NYAP2: variants seen among roughly 807,000 people sequenced by gnomAD.
The protein encoded by NYAP2 is neuronal tyrosine-phosphorylated phosphoinositide-3-kinase adapter 2.
NYAP2 carries 23 observed loss-of-function variants against 50.4 expected under a neutral mutation model. That is an observed-to-expected ratio of 0.46 (90% CI 0.33 to 0.65). The LOEUF (loss-of-function observed/expected upper bound fraction) is 0.65, where lower values mean the gene tolerates loss of function less well. Ranked by LOEUF, NYAP2 falls within the 30% of genes least tolerant of loss-of-function variation. The pLI, the probability that NYAP2 is intolerant of heterozygous loss-of-function variation, is 0.02. For synonymous variants in NYAP2, 394 were observed against 365.2 expected (o/e 1.08, Z -0.90); for missense variants, 885 against 861.0 (o/e 1.03, Z -0.35).
At chr2:225,591,742 A>T (rs1235843422) in intron 5 of NYAP2, among the ~76,000 whole-genome samples, 1 of 152,168 alleles carries the variant, frequency 6.6e-6, no homozygotes. Context: ...CGATTTAATG[A>T]TACCTTATCT....
chr2:225,416,087 C>G (rs1362223660), intron 3 of NYAP2, among the ~76,000 whole-genome samples: 1 of 152,156 alleles, frequency 6.6e-6, no homozygotes, highest in Non-Finnish European at 1.5e-5. Flanking sequence ...ATCTTAATAA[C>G]CCTCTCTAAT....
chr2:225,569,831 A>G (rs1692035255), intron 4 of NYAP2, among the ~76,000 whole-genome samples: 2 of 152,190 alleles, frequency 1.3e-5, no homozygotes, highest in South Asian at 2.1e-4. Context: ...GTTCACATCT[A>G]TTAGGTTATG....
chr2:225,619,575 C>A (rs1693053915), intron 5 of NYAP2, among the ~76,000 whole-genome samples: 1 of 152,138 alleles, frequency 6.6e-6, no homozygotes, highest in Non-Finnish European at 1.5e-5. Context: ...AGCCATTAGA[C>A]CCAGGAAACC....
intron 5 of NYAP2, among the ~76,000 whole-genome samples, chr2:225,589,328 GTT>G (rs11319773): frequency 1.8e-3 from 262 of 143,842 alleles, no homozygotes; most frequent in Middle Eastern, 7.1e-3. Context: ...ATAAATGTTA[GTT>G]TTTTTTTTTT....
intron 5 of NYAP2, among the ~76,000 whole-genome samples, chr2:225,610,223 G>C (rs968351862): frequency 6.6e-6 from 1 of 152,110 alleles, no homozygotes; most frequent in East Asian, 1.9e-4. Flanking sequence ...TTTTCTCACA[G>C]TTCTGGAGCC....
downstream of NYAP2, among the ~76,000 whole-genome samples, chr2:225,655,738 GC>G (rs1693809829): frequency 1.3e-5 from 2 of 152,122 alleles, no homozygotes; most frequent in Admixed American, 6.5e-5. Context: ...TGATGCACAG[GC>G]CATATCAAAC....
At chr2:225,686,675 A>T in the NYAP2 span, among the ~76,000 whole-genome samples, 1 of 152,118 alleles carries the variant, frequency 6.6e-6, no homozygotes, top group Non-Finnish European at 1.5e-5. Context: ...CATAGTGGGC[A>T]ATGTATTTTC....
intron 3 of NYAP2, among the ~76,000 whole-genome samples, chr2:225,417,576 A>T (rs1200227958): frequency 6.6e-6 from 1 of 152,148 alleles, no homozygotes; most frequent in Non-Finnish European, 1.5e-5. Flanking sequence ...TACAAGGAAG[A>T]TGTTTTAAAA....
At chr2:225,571,547 C>T (rs1417051388) in intron 4 of NYAP2, among the ~76,000 whole-genome samples, 1 of 152,242 alleles carries the variant, frequency 6.6e-6, no homozygotes, top group African/African-American at 2.4e-5. Flanking sequence ...TCCTTTGAAG[C>T]AATGGCCGAG....
chr2:225,412,066 G>A (rs561751729), intron 3 of NYAP2, among the ~76,000 whole-genome samples: 54 of 149,576 alleles, frequency 3.6e-4, no homozygotes, highest in African/African-American at 1.2e-3. Context: ...AGGTTCAAGC[G>A]ATTCTCCTGC....
At chr2:225,478,268 G>A (rs904387792) in intron 3 of NYAP2, among the ~76,000 whole-genome samples, 12 of 152,102 alleles carry the variant, frequency 7.9e-5, no homozygotes, top group East Asian at 5.8e-4. Context: ...ATGAAGAGTC[G>A]GGGATGCTGA....
intron 3 of NYAP2, among the ~76,000 whole-genome samples, chr2:225,472,711 T>A (rs140484456): frequency 8.5e-5 from 13 of 152,342 alleles, no homozygotes; most frequent in African/African-American, 2.4e-4. Context: ...TTCAAAACTG[T>A]TTCAGTATGA....
rs183669436 is a variant in NYAP2 at position 225,562,826 on chromosome 2, G to A, written c.524-19115G>A. The stretch of plus-strand genomic sequence containing the variant: ...CACACTACTTTATAATTGTTTTGTC[G>A]GTACCTAAATTGCCAGCTTAGCTCG... On this transcript the variant is annotated intron_variant, in intron 4 of 6. Transcript: ENST00000636099. Among the ~76,000 whole-genome samples, 294 of 151,988 alleles carry A rather than the reference G, an allele frequency of 1.9e-3. 3 individuals carry two copies. The highest frequency in any genetic ancestry group is 1.7e-3 in the Non-Finnish European group (116 of 67,984).
rs558150741 is a variant in NYAP2 at position 225,547,109 on chromosome 2, C to G, written c.523+33437C>G. On this transcript the variant is annotated intron_variant, in intron 4 of 6. Coordinates refer to ENST00000636099, the Ensembl canonical transcript of NYAP2. ...CTCTTCCCTCTCCTCCCCTCCCACA[C>G]AAGGAAGGAATCCCTTTTGTTGCCG... Among the ~76,000 whole-genome samples, 9 of 152,278 alleles carry G rather than the reference C, an allele frequency of 5.9e-5. No homozygotes were observed. The East Asian group carries it at 1.7e-3, about 29-fold the overall frequency.
At chr2:225,601,465 G>T (rs754606361) in intron 5 of NYAP2, among the ~76,000 whole-genome samples, 1 of 152,052 alleles carries the variant, frequency 6.6e-6, no homozygotes, top group Non-Finnish European at 1.5e-5. Flanking sequence ...AGAAACCTAC[G>T]TACTGTTTTC....
chr2:225,565,445 T>C (rs943234039), intron 4 of NYAP2, among the ~76,000 whole-genome samples: 2 of 152,234 alleles, frequency 1.3e-5, no homozygotes, highest in African/African-American at 4.8e-5. Context: ...ATTGGTCTCA[T>C]AGTTCAATGA....
At chr2:225,699,013 T>C in the NYAP2 span, 1 of 151,930 alleles carries the variant, frequency 6.6e-6, no homozygotes, top group African/African-American at 2.4e-5. Context: ...ACGTAATATA[T>C]GATCTGGTGC....
chr2:225,451,053 C>A (rs774955828), intron 3 of NYAP2, among the ~76,000 whole-genome samples: 1 of 151,896 alleles, frequency 6.6e-6, no homozygotes, highest in Non-Finnish European at 1.5e-5. Flanking sequence ...AATAGTAAAA[C>A]GCATAAATTA....
intron 3 of NYAP2, among the ~76,000 whole-genome samples, chr2:225,443,985 C>T (rs572731448): frequency 5.3e-5 from 8 of 152,172 alleles, no homozygotes; most frequent in Non-Finnish European, 8.8e-5. Context: ...TCTTGTGCCA[C>T]GCCATGATGG....
Sources: gnomAD v4.1 joint callset for allele counts (sites outside exome capture counted in the v4.1 genomes callset) on GRCh38, gnomAD v4.1.1 for gene constraint, MANE v1.5 for transcripts, NCBI Gene and HGNC (gene_info 2026-07-23, HGNC 2026-07-21) for gene names.